Variants in SRRM3 observed in about 807,000 individuals in gnomAD.
The protein encoded by SRRM3 is serine/arginine repetitive matrix protein 3.
Under a neutral mutation model 66.2 loss-of-function variants are expected in SRRM3, and 27 were observed. That is an observed-to-expected ratio of 0.41 (90% CI 0.30 to 0.56). The LOEUF is 0.56. Among genes scored for constraint, SRRM3 ranks in the 20% least tolerant of loss-of-function variants. SRRM3 has a pLI of 0.32. For missense variants in SRRM3, 918 were observed against 991.9 expected (o/e 0.93, Z 1.00); for synonymous variants, 391 against 414.9 (o/e 0.94, Z 0.70).
chr7:76,267,814 T>G, intron 11 of SRRM3: 1 of 185,622 alleles, frequency 5.4e-6, no homozygotes, highest in Non-Finnish European at 1.1e-5. Context: ...TTGATAGGAG[T>G]CCCAGGCAGG....
At chr7:76,206,284 G>A (rs1320696489) in intron 1 of SRRM3, among the ~76,000 whole-genome samples, 2 of 152,162 alleles carry the variant, frequency 1.3e-5, no homozygotes, top group African/African-American at 2.4e-5. Context: ...TTTGATGAAT[G>A]GAGAAGAGTC....
At chr7:76,257,962 CAT>C (rs1801754892) in intron 3 of SRRM3, among the ~76,000 whole-genome samples, 1 of 152,012 alleles carries the variant, frequency 6.6e-6, no homozygotes, top group African/African-American at 2.4e-5. Context: ...CTTCAAATCT[CAT>C]GCTCTTGCCT....
intron 14 of SRRM3, among the ~76,000 whole-genome samples, chr7:76,284,066 C>T (rs891978532): frequency 6.6e-5 from 10 of 152,160 alleles, no homozygotes; most frequent in Non-Finnish European, 1.2e-4. Context: ...AAACTAGTCC[C>T]TCCTAGTCCT....
chr7:76,234,566 A>G (rs1312282357), intron 1 of SRRM3, among the ~76,000 whole-genome samples: 3 of 152,162 alleles, frequency 2.0e-5, no homozygotes, highest in African/African-American at 7.2e-5. Flanking sequence ...AGGTAGGAAC[A>G]CATGTAATCT....
rs1358163497 is a variant in SRRM3, at chr7:76,281,666, C to G, written c.1234C>G (p.Arg412Gly). 4 of 982,876 alleles carry G rather than the reference C, an allele frequency of 4.1e-6. No homozygotes were observed. Among genetic ancestry groups the G allele is most frequent in the Non-Finnish European group, 4.8e-6 (4 of 828,616 alleles). 60.9% of individuals were successfully genotyped at this position (982,876 alleles called of 1,614,324 possible). A position where few individuals can be genotyped will look rare whatever the true frequency, so the allele number is the denominator to read the frequency against. Residue 412 changes from arginine (R) to glycine (G), a missense_variant, in exon 12 of 15, where the codon CGG becomes GGG. Coordinates refer to ENST00000611745, the MANE Select transcript of SRRM3 (RefSeq NM_001110199.3). ...APRRRGRRRP[R>G]PAPPRGSSRS... is the part of the protein sequence containing the mutation. ...CCGCCGCAGGGGTCGCCGGCGCCCCCGGCCCGCGCCCCCCCGGGGCTCGTC... is the reference window on the plus strand; with the variant it reads ...CCGCCGCAGGGGTCGCCGGCGCCCCGGGCCCGCGCCCCCCCGGGGCTCGTC...
At chr7:76,212,214 G>A (rs1800451027) in intron 1 of SRRM3, among the ~76,000 whole-genome samples, 1 of 143,446 alleles carries the variant, frequency 7.0e-6, no homozygotes, top group Non-Finnish European at 1.5e-5. Flanking sequence ...GGGTTGGAGT[G>A]CAGTGGCACA....
In SRRM3 at chr7:76,285,534, C is replaced by T; in HGVS notation, c.1734-81C>T. 8.4e-7 allele frequency: 1 copy of T among 1,192,948 alleles called. No homozygotes were observed. The allele number at this position is 1,192,948 out of a possible 1,614,324, so 73.9% of individuals were successfully genotyped here. The stretch of plus-strand genomic sequence containing the variant: ...CTCTAAGGCCAGGGCTCAGGGGAAA[C>T]TGAGGCAGGAAGCCCTGGCCGCTGC... On this transcript the variant is annotated intron_variant, in intron 14 of 14. Coordinates refer to ENST00000611745, the MANE Select transcript of SRRM3 (RefSeq NM_001110199.3). This position sits in a 1 kb window ranked among gnomAD's most constrained non-coding sequence, Gnocchi z 4.1.
At chr7:76,236,710 G>A (rs1199838141) in intron 2 of SRRM3, among the ~76,000 whole-genome samples, 1 of 152,242 alleles carries the variant, frequency 6.6e-6, no homozygotes, top group Non-Finnish European at 1.5e-5. Context: ...GGGAGAAGAA[G>A]GGGTAATGGG....
intron 11 of SRRM3, 87 bp downstream of exon 11, chr7:76,267,522 A>C: frequency 2.9e-6 from 1 of 340,130 alleles, no homozygotes; most frequent in Non-Finnish European, 4.3e-6. Flanking sequence ...GCAGGGGGCG[A>C]TAAGTGTGGC....
At chr7:76,202,576 T>A (rs1800179479) in intron 1 of SRRM3, among the ~76,000 whole-genome samples, 1 of 152,018 alleles carries the variant, frequency 6.6e-6, no homozygotes, top group Non-Finnish European at 1.5e-5. Flanking sequence ...CAAGGAGAAC[T>A]GGGTCTCACA....
At chr7:76,258,607 G>T (rs921298944) in intron 3 of SRRM3, among the ~76,000 whole-genome samples, 42 of 151,398 alleles carry the variant, frequency 2.8e-4, no homozygotes, top group Non-Finnish European at 1.0e-4. Context: ...CCAGCTACTC[G>T]GGAGGCTGAG....
rs1362578449 is a variant in SRRM3, at chr7:76,255,146, TTC to T, written c.336-4758_336-4757del. Among the ~76,000 whole-genome samples the T allele has an allele frequency of 2.1e-3, 206 of 97,550 alleles. 1 individual carries two copies. Among genetic ancestry groups the T allele is most frequent in the African/African-American group, 7.7e-3 (177 of 22,974 alleles). 64.0% of individuals were successfully genotyped at this position (97,550 alleles called of 152,430 possible). A position where few individuals can be genotyped will look rare whatever the true frequency, so the allele number is the denominator to read the frequency against. ...TCCTTTTCTTTCTTTCTTTCTTTCT[TTC>T]TTTTTTTTTTTTTTTTTTTGAGATG... On this transcript the variant is annotated intron_variant, in intron 3 of 14. Coordinates refer to ENST00000611745, the MANE Select transcript of SRRM3 (RefSeq NM_001110199.3).
chr7:76,260,463 C>T (rs1183848354), intron 5 of SRRM3, among the ~76,000 whole-genome samples: 151 of 148,234 alleles, frequency 1.0e-3, no homozygotes, highest in Non-Finnish European at 9.5e-4. Flanking sequence ...AGCCCCTCCC[C>T]TTCTCTGGGG....
intron 1 of SRRM3, among the ~76,000 whole-genome samples, chr7:76,222,410 CAAAAAAAA>C (rs572163883): frequency 2.4e-5 from 2 of 84,418 alleles, no homozygotes; most frequent in Admixed American, 1.3e-4. Flanking sequence ...GACCCCGTCT[CAAAAAAAA>C]AAAAAAAAAA....
intron 1 of SRRM3, among the ~76,000 whole-genome samples, chr7:76,206,379 G>C (rs781990681): frequency 1.3e-4 from 20 of 152,172 alleles, no homozygotes; most frequent in Non-Finnish European, 2.2e-4. Flanking sequence ...TGGAGAGAGA[G>C]AGAGAGAGAG....
At chr7:76,261,868 T>G (rs1554608829) in intron 8 of SRRM3, among the ~76,000 whole-genome samples, 1 of 147,608 alleles carries the variant, frequency 6.8e-6, no homozygotes, top group Non-Finnish European at 1.5e-5. Flanking sequence ...TCTGTGGAGG[T>G]GCCAGTTAGA....
chr7:76,247,088 A>T (rs1554606246), intron 2 of SRRM3, among the ~76,000 whole-genome samples: 4 of 151,960 alleles, frequency 2.6e-5, no homozygotes, highest in Non-Finnish European at 5.9e-5. Context: ...GGAGGGAGAG[A>T]CTCCAGAGGA....
intron 1 of SRRM3, among the ~76,000 whole-genome samples, chr7:76,203,418 G>A (rs1184642425): frequency 7.2e-5 from 11 of 152,222 alleles, no homozygotes; most frequent in Non-Finnish European, 1.2e-4. Context: ...TGTAGTGTTA[G>A]CAATGTCTAC....
chr7:76,223,077 C>T (rs985087421), intron 1 of SRRM3, among the ~76,000 whole-genome samples: 93 of 152,330 alleles, frequency 6.1e-4, no homozygotes, highest in African/African-American at 2.0e-3. Context: ...CCTCTCCTGA[C>T]GCACCCCAGC....
Sources: gnomAD v4.1 joint callset for allele counts (sites outside exome capture counted in the v4.1 genomes callset) on GRCh38, gnomAD v4.1.1 for gene constraint, Gnocchi (gnomAD v3.1) non-coding constraint, MANE v1.5 for transcripts, NCBI Gene and HGNC (gene_info 2026-07-23, HGNC 2026-07-21) for gene names.